The following RARB variants were observed in gnomAD, a reference collection of about 807,000 sequenced individuals.
The protein encoded by RARB is HBV-activated protein.
A neutral mutation model predicts 51.9 loss-of-function variants in RARB; 17 were observed. The ratio of observed to expected loss-of-function variants is 0.33; its 90% CI spans 0.22 to 0.49. The LOEUF is 0.49. Ranked by LOEUF, RARB falls within the 20% of genes least tolerant of loss-of-function variation. The pLI is 0.99. For missense variants in RARB, 369 were observed against 550.8 expected, an observed-to-expected ratio of 0.67 and a Z score of 3.30; for synonymous variants, 215 against 195.4, an observed-to-expected ratio of 1.10 and a Z score of -0.84.
At chr3:25,248,787 A>G (rs909504972) in intron 5 of RARB, among the ~76,000 whole-genome samples, 3 of 152,132 alleles carry the variant, frequency 2.0e-5, no homozygotes, top group Non-Finnish European at 4.4e-5. Flanking sequence ...TAAGATGTCT[A>G]CTGCTTATAT....
intron 2 of RARB, among the ~76,000 whole-genome samples, chr3:25,047,915 T>C (rs528072401): frequency 8.9e-4 from 135 of 152,302 alleles, no homozygotes; most frequent in African/African-American, 3.2e-3. Flanking sequence ...AAAGTAGAGA[T>C]AATTGAATCA....
intron 2 of RARB, among the ~76,000 whole-genome samples, chr3:24,983,491 C>A (rs992086031): frequency 4.6e-5 from 7 of 152,004 alleles, no homozygotes; most frequent in Non-Finnish European, 1.0e-4. Context: ...AGGTTTTAAG[C>A]CCTACATGCA....
In RARB at chr3:25,285,243, A is replaced by T. The variant is rs1171243801; in HGVS notation, c.178+110668A>T. Among the ~76,000 whole-genome samples the T allele has an allele frequency of 3.9e-5, 6 of 152,226 alleles. No homozygotes were observed. The East Asian group carries it at 1.2e-3, about 29-fold the overall frequency. ...CTGAGGTAGAGTTAGACAAAGCTCC[A>T]CTGAGAAAGTGATATGATGAATTCT... On this transcript the variant is annotated intron_variant, in intron 5 of 11. Transcript: ENST00000383772.
chr3:25,320,501 T>C (rs911284859), intron 5 of RARB, among the ~76,000 whole-genome samples: 2 of 152,170 alleles, frequency 1.3e-5, no homozygotes, highest in African/African-American at 4.8e-5. Context: ...CTGCCCTGAC[T>C]CCATTACTAA....
At chr3:25,203,333 G>A (rs1224029224) in intron 5 of RARB, among the ~76,000 whole-genome samples, 1 of 152,188 alleles carries the variant, frequency 6.6e-6, no homozygotes, top group Admixed American at 6.5e-5. Flanking sequence ...GTCTCTGCAT[G>A]TGAGATGGGT....
intron 2 of RARB, among the ~76,000 whole-genome samples, chr3:24,921,780 C>A (rs1264248844): frequency 3.9e-5 from 6 of 152,164 alleles, no homozygotes; most frequent in Admixed American, 3.9e-4. Flanking sequence ...AGGAAAAATA[C>A]AATAATCTGT....
At chr3:24,857,769 A>AACAAT (rs1327618856) in intron 1 of RARB, among the ~76,000 whole-genome samples, 1 of 152,128 alleles carries the variant, frequency 6.6e-6, no homozygotes, top group African/African-American at 2.4e-5. Context: ...AACAAAACAA[A>AACAAT]ACAAAAAATA....
chr3:25,089,378 T>A (rs1366008156), intron 3 of RARB, among the ~76,000 whole-genome samples: 1 of 152,060 alleles, frequency 6.6e-6, no homozygotes, highest in African/African-American at 2.4e-5. Context: ...ATTTATTATT[T>A]ACACAAAGTA....
intron 3 of RARB, among the ~76,000 whole-genome samples, chr3:25,561,700 T>C (rs979125299): frequency 6.6e-6 from 1 of 152,182 alleles, no homozygotes; most frequent in Admixed American, 6.6e-5. Flanking sequence ...AAATGTATGA[T>C]GAAAATGTCA....
chr3:25,442,112 T>TATG (rs1373928926), intron 1 of RARB, among the ~76,000 whole-genome samples: 1 of 111,386 alleles, frequency 9.0e-6, no homozygotes, highest in Non-Finnish European at 2.0e-5. Flanking sequence ...TAATTTTATT[T>TATG]TATTTTTATT....
chr3:25,579,509 C>A (rs1340038028), intron 4 of RARB, among the ~76,000 whole-genome samples: 1 of 152,188 alleles, frequency 6.6e-6, no homozygotes, highest in African/African-American at 2.4e-5. Flanking sequence ...AGCATGCTTC[C>A]AAGGTTTATC....
intron 2 of RARB, among the ~76,000 whole-genome samples, chr3:25,016,491 G>A (rs191831325): frequency 6.6e-6 from 1 of 152,256 alleles, no homozygotes; most frequent in East Asian, 1.9e-4. Context: ...CTGGGGCATG[G>A]TGGGAGAGGG....
chr3:25,596,762 A>AAT lies in RARB; in HGVS notation c.*154_*155dup. 1 of 674,406 alleles carries AAT rather than the reference A, an allele frequency of 1.5e-6. No individual in the cohort carries two copies. Among genetic ancestry groups the AAT allele is most frequent in the Non-Finnish European group, 2.4e-6 (1 of 409,878 alleles). The allele number at this position is 674,406 out of a possible 1,614,324, so 41.8% of individuals were successfully genotyped here. ...GGACCAAGAAGTTTTCATATGTATCAATATATATACTCCTCACTGTGTAAC... is the reference window on the plus strand; with the variant it reads ...GGACCAAGAAGTTTTCATATGTATCAATATATATATACTCCTCACTGTGTAAC... On this transcript the variant is annotated 3_prime_UTR_variant, in exon 8 of 8. Transcript: ENST00000330688.
At chr3:25,226,403 A>G (rs1321483445) in intron 5 of RARB, among the ~76,000 whole-genome samples, 7 of 152,202 alleles carry the variant, frequency 4.6e-5, no homozygotes, top group Admixed American at 2.6e-4. Flanking sequence ...TATTTCTCTC[A>G]GGAAAAAAAG....
chr3:25,085,369 A>G (rs1441799994), intron 3 of RARB, among the ~76,000 whole-genome samples: 3 of 152,096 alleles, frequency 2.0e-5, no homozygotes, highest in African/African-American at 7.2e-5. Flanking sequence ...TTTATTTGCC[A>G]TTTCATGGAA....
At chr3:25,366,104 C>A (rs1195282180) in intron 5 of RARB, among the ~76,000 whole-genome samples, 3 of 152,182 alleles carry the variant, frequency 2.0e-5, no homozygotes, top group Non-Finnish European at 2.9e-5. Flanking sequence ...ACTTGCCATT[C>A]GTTCAAGGCC....
At chr3:25,515,089 T>C (rs1405567530) in intron 3 of RARB, among the ~76,000 whole-genome samples, 1 of 152,240 alleles carries the variant, frequency 6.6e-6, no homozygotes, top group East Asian at 1.9e-4. Flanking sequence ...CTCTTGGAGA[T>C]GGCCTTCCCC....
At chr3:25,583,299 C>G (rs1181095899) in intron 5 of RARB, among the ~76,000 whole-genome samples, 1 of 152,188 alleles carries the variant, frequency 6.6e-6, no homozygotes, top group East Asian at 1.9e-4. Flanking sequence ...ATCTTCTTAT[C>G]TAAGTCATTG....
rs116762997 is a variant in RARB at position 25,165,505 on chromosome 3, G to C, written c.-279-8614G>C. On this transcript the variant is annotated intron_variant, in intron 4 of 11. Transcript: ENST00000383772. Reference sequence around the variant, plus strand: ...TCTCTCAGGCATCTGCCAGCCTGTAGATCCTGTAGATAGCTGAATTTCCCT... The same window carrying C: ...TCTCTCAGGCATCTGCCAGCCTGTACATCCTGTAGATAGCTGAATTTCCCT... 3.8e-3 allele frequency among the ~76,000 whole-genome samples: 585 copies of C among 152,282 alleles called. 3 individuals carry two copies. Among genetic ancestry groups the C allele is most frequent in the African/African-American group, 0.013 (548 of 41,564 alleles).
Sources: allele counts gnomAD v4.1 joint callset (sites outside exome capture counted in the v4.1 genomes callset), GRCh38; gene constraint gnomAD v4.1.1; transcripts MANE v1.5; gene names NCBI Gene and HGNC (gene_info 2026-07-23, HGNC 2026-07-21).